The following ARHGAP6 variants were observed in gnomAD, a reference collection of about 807,000 sequenced individuals.
The protein encoded by ARHGAP6 is Rho GTPase activating protein 6, also known as rho GTPase-activating protein 6.
Under a neutral mutation model 55.7 loss-of-function variants are expected in ARHGAP6, and 16 were observed. The ratio of observed to expected loss-of-function variants is 0.29; its 90% CI spans 0.19 to 0.44. The LOEUF (loss-of-function observed/expected upper bound fraction) is 0.44, where lower values mean the gene tolerates loss of function less well. Among genes scored for constraint, ARHGAP6 ranks in the 20% least tolerant of loss-of-function variants. ARHGAP6 has a pLI of 1.00. For synonymous variants in ARHGAP6, 382 were observed against 360.9 expected (o/e 1.06, Z -0.66); for missense variants, 698 against 808.9 (o/e 0.86, Z 1.66).
chrX:11,491,583 T>C (rs1023770171), intron 1 of ARHGAP6, among the ~76,000 whole-genome samples: 25 of 112,112 alleles, frequency 2.2e-4, no homozygotes, highest in Non-Finnish European at 4.5e-4. Context: ...ATGGTGTAGA[T>C]GTGCCACATT....
chrX:11,598,370 A>T (rs925029473), intron 1 of ARHGAP6, among the ~76,000 whole-genome samples: 102 of 112,134 alleles, frequency 9.1e-4, no homozygotes, highest in African/African-American at 2.9e-3. Flanking sequence ...TACTTTTATT[A>T]TTCTTTCTTT....
intron 1 of ARHGAP6, among the ~76,000 whole-genome samples, chrX:11,264,117 C>T (rs928308505): frequency 9.1e-6 from 1 of 110,376 alleles, no homozygotes; most frequent in East Asian, 2.8e-4. Context: ...GACCCCTGGA[C>T]TGGACTAAAA....
chrX:11,542,980 CA>C (rs2051175192), intron 1 of ARHGAP6, among the ~76,000 whole-genome samples: 1 of 111,759 alleles, frequency 8.9e-6, no homozygotes, highest in African/African-American at 3.3e-5. Flanking sequence ...AGTCGACACC[CA>C]GACACTTTAG....
chrX:11,179,271 C>A, intron 7 of ARHGAP6, 31 bp downstream of exon 7: 1 of 1,157,099 alleles, frequency 8.6e-7, no homozygotes. Context: ...TATTCCAGGG[C>A]CACTTTCCCA....
At chrX:11,630,540 T>C (rs1438301898) in intron 1 of ARHGAP6, among the ~76,000 whole-genome samples, 2 of 112,339 alleles carry the variant, frequency 1.8e-5, no homozygotes, top group African/African-American at 6.5e-5. Flanking sequence ...CAAATGTATG[T>C]CTACTGCCTA....
intron 1 of ARHGAP6, among the ~76,000 whole-genome samples, chrX:11,383,517 T>C (rs1175279357): frequency 9.0e-6 from 1 of 111,456 alleles, no homozygotes; most frequent in Non-Finnish European, 1.9e-5. Flanking sequence ...ATAACATTTA[T>C]GTGGGTTTTA....
At chrX:11,573,865 G>T (rs950529707) in intron 1 of ARHGAP6, among the ~76,000 whole-genome samples, 1 of 111,324 alleles carries the variant, frequency 9.0e-6, no homozygotes, top group African/African-American at 3.3e-5. Flanking sequence ...ATTTCATAGA[G>T]CAGTGGTTTG....
intron 1 of ARHGAP6, among the ~76,000 whole-genome samples, chrX:11,354,421 A>T (rs1174340429): frequency 2.0e-5 from 2 of 101,534 alleles, no homozygotes; most frequent in African/African-American, 3.6e-5. Context: ...CACCACCATC[A>T]TTGTCATCAT....
intron 1 of ARHGAP6, among the ~76,000 whole-genome samples, chrX:11,473,056 T>G (rs1356490920): frequency 9.0e-6 from 1 of 111,000 alleles, no homozygotes; most frequent in Non-Finnish European, 1.9e-5. Context: ...CCTACCATTT[T>G]CTCACATCCG....
At chrX:11,381,750 CT>C (rs1294974552) in intron 1 of ARHGAP6, among the ~76,000 whole-genome samples, 1 of 111,943 alleles carries the variant, frequency 8.9e-6, no homozygotes, top group Non-Finnish European at 1.9e-5. Flanking sequence ...TAGTTACTTC[CT>C]ACCAGAATAA....
chrX:11,579,711 A>T (rs915406155), intron 1 of ARHGAP6, among the ~76,000 whole-genome samples: 62 of 112,338 alleles, frequency 5.5e-4, no homozygotes, highest in African/African-American at 1.9e-3. Context: ...GTTATCTCTA[A>T]ATGAATTATT....
intron 1 of ARHGAP6, among the ~76,000 whole-genome samples, chrX:11,659,258 G>C (rs1168837140): frequency 2.7e-5 from 3 of 111,435 alleles, no homozygotes; most frequent in Non-Finnish European, 5.7e-5. Context: ...TCCTCCACTT[G>C]TTTTATGCTT....
chrX:11,146,480 TC>T, intron 10 of ARHGAP6, among the ~76,000 whole-genome samples: 2 of 112,443 alleles, frequency 1.8e-5, no homozygotes, highest in Non-Finnish European at 3.8e-5. Context: ...TGTCTTCTTT[TC>T]ACAGTTTCCC....
intron 1 of ARHGAP6, among the ~76,000 whole-genome samples, chrX:11,504,355 C>T (rs1487742904): frequency 4.5e-5 from 5 of 111,307 alleles, no homozygotes; most frequent in Admixed American, 2.9e-4. Context: ...CTGTGCTGCA[C>T]ATTGTAACAT....
At chrX:11,390,272 T>A (rs2049386317) in intron 1 of ARHGAP6, among the ~76,000 whole-genome samples, 1 of 111,527 alleles carries the variant, frequency 9.0e-6, no homozygotes, top group African/African-American at 3.3e-5. Flanking sequence ...CTCTGTTCTG[T>A]TCCATTGGTC....
chrX:11,492,032 A>G (rs1442134550), intron 1 of ARHGAP6, among the ~76,000 whole-genome samples: 1 of 107,929 alleles, frequency 9.3e-6, no homozygotes. Context: ...GTGTCTGTTC[A>G]TGTCCTTCAC....
chrX:11,556,187 TATC>T (rs1192231011), intron 1 of ARHGAP6, among the ~76,000 whole-genome samples: 1 of 111,932 alleles, frequency 8.9e-6, no homozygotes, highest in Non-Finnish European at 1.9e-5. Flanking sequence ...TCAATGTTGT[TATC>T]ATCATCATCA....
At chrX:11,567,566 A>AAAAAAATAAAATATATATATATAT (rs1440758737) in intron 1 of ARHGAP6, among the ~76,000 whole-genome samples, 1 of 84,403 alleles carries the variant, frequency 1.2e-5, no homozygotes, top group African/African-American at 4.7e-5. Context: ...AAAAAAAAAA[A>AAAAAAATAAAATATATATATATAT]ATATATATAT....
chrX:11,473,757 G>C (rs1328258550), intron 1 of ARHGAP6, among the ~76,000 whole-genome samples: 1 of 111,737 alleles, frequency 8.9e-6, no homozygotes, highest in Admixed American at 9.5e-5. Context: ...TGTTTTGGCA[G>C]CCCTAGGAAA....
Sources: gnomAD v4.1 joint callset for allele counts (sites outside exome capture counted in the v4.1 genomes callset) on GRCh38, gnomAD v4.1.1 for gene constraint, MANE v1.5 for transcripts, NCBI Gene and HGNC (gene_info 2026-07-23, HGNC 2026-07-21) for gene names.